TRIM2: variants seen among roughly 807,000 people sequenced by gnomAD.
TRIM2 encodes tripartite motif-containing protein 2.
TRIM2 carries 20 observed loss-of-function variants against 75.2 expected under a neutral mutation model. The ratio of observed to expected loss-of-function variants is 0.27; its 90% CI spans 0.19 to 0.39. TRIM2 has a LOEUF of 0.39. Among genes scored for constraint, TRIM2 ranks in the 10% least tolerant of loss-of-function variants. The pLI is 1.00. For synonymous variants in TRIM2, 373 were observed against 388.3 expected, an observed-to-expected ratio of 0.96 and a Z score of 0.46; for missense variants, 660 against 990.8, an observed-to-expected ratio of 0.67 and a Z score of 4.48.
chr4:153,192,909 C>T (rs1733356703), intron 1 of TRIM2, among the ~76,000 whole-genome samples: 1 of 152,182 alleles, frequency 6.6e-6, no homozygotes, highest in Non-Finnish European at 1.5e-5. Flanking sequence ...TTCAGACCAG[C>T]CCACCCAAGT....
intron 6 of TRIM2, among the ~76,000 whole-genome samples, chr4:153,312,342 C>T (rs1159115722): frequency 7.9e-5 from 12 of 152,152 alleles, no homozygotes; most frequent in African/African-American, 2.7e-4. Flanking sequence ...GGTTCCAATT[C>T]TTTGCTATTG....
chr4:153,238,175 A>G (rs1745515316), intron 1 of TRIM2, among the ~76,000 whole-genome samples: 1 of 152,222 alleles, frequency 6.6e-6, no homozygotes, highest in African/African-American at 2.4e-5. Context: ...TGATGGTGAC[A>G]GTGGCTTCTG....
intron 1 of TRIM2, among the ~76,000 whole-genome samples, chr4:153,186,829 A>G (rs1424789677): frequency 1.3e-5 from 2 of 152,214 alleles, no homozygotes; most frequent in Non-Finnish European, 2.9e-5. Flanking sequence ...TATGAGAAAA[A>G]AAACAAGCTC....
intron 1 of TRIM2, among the ~76,000 whole-genome samples, chr4:153,153,479 G>T (rs955001950): frequency 6.6e-6 from 1 of 152,218 alleles, no homozygotes; most frequent in African/African-American, 2.4e-5. Context: ...GCAGACGGGG[G>T]CGTTGAGTGC....
At chr4:153,211,868 A>C (rs1476178349) in intron 1 of TRIM2, among the ~76,000 whole-genome samples, 1 of 151,950 alleles carries the variant, frequency 6.6e-6, no homozygotes, top group Non-Finnish European at 1.5e-5. Context: ...AAACTTTAAT[A>C]CTTGAAAAGT....
At chr4:153,253,545 T>G (rs2149938975) in intron 1 of TRIM2, among the ~76,000 whole-genome samples, 1 of 152,302 alleles carries the variant, frequency 6.6e-6, no homozygotes, top group Non-Finnish European at 1.5e-5. Flanking sequence ...AGCAACTCCA[T>G]CTTGAATAGG....
chr4:153,226,952 A>T (rs2149786416), intron 1 of TRIM2, among the ~76,000 whole-genome samples: 1 of 152,334 alleles, frequency 6.6e-6, no homozygotes, highest in African/African-American at 2.4e-5. Context: ...CCTGCTTATG[A>T]TCTGGAAAGT....
intron 1 of TRIM2, among the ~76,000 whole-genome samples, chr4:153,166,350 A>C (rs1437082909): frequency 2.0e-5 from 3 of 152,168 alleles, no homozygotes; most frequent in Non-Finnish European, 4.4e-5. Context: ...GTTCTATAAC[A>C]CTTGATTGGA....
chr4:153,337,719 C>T lies in TRIM2; in HGVS notation c.*2753C>T. ...CTGAGAAGGATATTAAAATAAGTGG[C>T]TTTTTTCTGGGCTACCATTATTGTT... On this transcript the variant is annotated 3_prime_UTR_variant, in exon 12 of 12. Coordinates refer to ENST00000338700, the MANE Select transcript of TRIM2 (RefSeq NM_015271.5). 3 of 985,808 alleles carry T rather than the reference C, an allele frequency of 3.0e-6. No homozygotes were observed. The highest frequency in any genetic ancestry group is 3.6e-6 in the Non-Finnish European group (3 of 829,928). The allele number at this position is 985,808 out of a possible 1,614,324, so 61.1% of individuals were successfully genotyped here.
chr4:153,249,370 G>T (rs965599910), intron 1 of TRIM2, among the ~76,000 whole-genome samples: 15 of 152,230 alleles, frequency 9.9e-5, no homozygotes, highest in Non-Finnish European at 2.1e-4. Flanking sequence ...CTAGGGCTCC[G>T]CCTGGCATGC....
At chr4:153,328,313 G>A (rs1432352655) in intron 10 of TRIM2, among the ~76,000 whole-genome samples, 1 of 152,158 alleles carries the variant, frequency 6.6e-6, no homozygotes, top group Non-Finnish European at 1.5e-5. Flanking sequence ...GCCAAAAAAA[G>A]TGATGATTTA....
chr4:153,295,606 G>A lies in TRIM2; in HGVS notation c.1080G>A (p.Glu360=). The A allele has an allele frequency of 6.2e-7, 1 of 1,613,978 alleles. No individual in the cohort carries two copies. The highest frequency in any genetic ancestry group is 8.5e-7 in the Non-Finnish European group (1 of 1,179,990). ...AVASETVATG[E]GLRQTIIGQP... is the part of the protein sequence containing the mutation. ...CCTCAGAGACAGTGGCCACGGGCGA[G>A]GGGCTGCGGCAGACCATCATCGGGC... is the stretch of plus-strand genomic sequence containing the variant. The change falls in exon 6 of 12, where the codon GAG becomes GAA. Residue 360 remains glutamate, a synonymous_variant. Transcript: ENST00000338700. This position sits in a 1 kb window ranked among gnomAD's most constrained non-coding sequence, Gnocchi z 7.2.
At chr4:153,236,217 T>C (rs748710872) in intron 1 of TRIM2, among the ~76,000 whole-genome samples, 12 of 152,136 alleles carry the variant, frequency 7.9e-5, no homozygotes, top group Non-Finnish European at 1.5e-4. Context: ...TCTTTATAAA[T>C]TACCCAGTGT....
intron 1 of TRIM2, among the ~76,000 whole-genome samples, chr4:153,235,042 A>G (rs939247809): frequency 1.3e-5 from 2 of 152,106 alleles, no homozygotes; most frequent in East Asian, 1.9e-4. Context: ...CTCCACTAAC[A>G]CACATATGTC....
Position 153,336,759 on chromosome 4 carries a change from C to T in TRIM2, c.*1793C>T. On this transcript the variant is annotated 3_prime_UTR_variant, in exon 12 of 12. Coordinates refer to ENST00000338700, the MANE Select transcript of TRIM2 (RefSeq NM_015271.5). ...GGGAAATCTAGCTACTTCAAATTGTCTGTTAAATTTATTATGCCCAAATCA... is the reference window on the plus strand; with the variant it reads ...GGGAAATCTAGCTACTTCAAATTGTTTGTTAAATTTATTATGCCCAAATCA... The T allele has an allele frequency of 1.0e-6, 1 of 985,512 alleles. No individual in the cohort carries two copies. The highest frequency in any genetic ancestry group is 1.2e-6 in the Non-Finnish European group (1 of 829,704). 61.0% of individuals were successfully genotyped at this position (985,512 alleles called of 1,614,324 possible). A position where few individuals can be genotyped will look rare whatever the true frequency, so the allele number is the denominator to read the frequency against.
chr4:153,226,939 C>T (rs4522848), intron 1 of TRIM2, among the ~76,000 whole-genome samples: 9,119 of 152,256 alleles, frequency 0.06, 812 homozygotes, highest in African/African-American at 0.19. Flanking sequence ...ATGTTCTGAG[C>T]CCCCTGCTTA....
chr4:153,187,673 G>T (rs1395945975), intron 1 of TRIM2, among the ~76,000 whole-genome samples: 1 of 152,162 alleles, frequency 6.6e-6, no homozygotes, highest in African/African-American at 2.4e-5. Context: ...ACAGAGCCTC[G>T]CCCAGGTGGG....
upstream of TRIM2, among the ~76,000 whole-genome samples, chr4:153,152,855 T>C (rs1579188636): frequency 6.6e-6 from 1 of 152,218 alleles, no homozygotes; most frequent in African/African-American, 2.4e-5. Context: ...AGAAATACTG[T>C]TGGGAAAAGG....
chr4:153,301,184 C>G (rs1031196444), intron 6 of TRIM2, among the ~76,000 whole-genome samples: 1 of 149,000 alleles, frequency 6.7e-6, no homozygotes, highest in Non-Finnish European at 1.5e-5. Flanking sequence ...GAGCGAGACT[C>G]TATCTCAAAA....
Sources: gnomAD v4.1 joint callset for allele counts (sites outside exome capture counted in the v4.1 genomes callset) on GRCh38, gnomAD v4.1.1 for gene constraint, Gnocchi (gnomAD v3.1) non-coding constraint, MANE v1.5 for transcripts, NCBI Gene and HGNC (gene_info 2026-07-23, HGNC 2026-07-21) for gene names.